The following EYS variants were observed in gnomAD, a reference collection of about 807,000 sequenced individuals.
EYS encodes the protein protein eyes shut homolog.
In EYS, 250 loss-of-function variants were observed where a neutral mutation model predicts 282.1. The ratio of observed to expected loss-of-function variants is 0.89; its 90% CI spans 0.80 to 0.98. The LOEUF is 0.98. Ranked by LOEUF, EYS falls within the 50% of genes least tolerant of loss-of-function variation. EYS has a pLI of 0.00. For synonymous variants in EYS, 1,355 were observed against 1,282.9 expected (o/e 1.06, Z -1.20); for missense variants, 4,016 against 3,709.0 (o/e 1.08, Z -2.15).
intron 18 of EYS, among the ~76,000 whole-genome samples, chr6:64,888,430 CACA>C (rs1381908742): frequency 5.3e-5 from 8 of 151,624 alleles, no homozygotes; most frequent in Admixed American, 2.6e-4. Flanking sequence ...ATCAAAACAA[CACA>C]ACAAAACAAC....
At position 64,945,781 on chromosome 6, in the gene EYS, T is replaced by C. The variant is rs997151187; in HGVS notation, c.2381+12A>G. The C allele has an allele frequency of 5.2e-6, 8 of 1,548,348 alleles. No individual in the cohort carries two copies. The Admixed American group carries it at 1.4e-4, about 27-fold the overall frequency. Reference sequence around the variant, plus strand: ...GTAATTTCATGAAGAAAGCTAAAAATATGTTACTCACCGATAGCTTTTGTA... The same window carrying C: ...GTAATTTCATGAAGAAAGCTAAAAACATGTTACTCACCGATAGCTTTTGTA... On this transcript the variant is annotated intron_variant, in intron 15 of 42. Transcript: ENST00000503581.
At chr6:65,017,589 G>A (rs1032001481) in intron 13 of EYS, among the ~76,000 whole-genome samples, 3 of 151,996 alleles carry the variant, frequency 2.0e-5, no homozygotes, top group Admixed American at 6.6e-5. Context: ...CTGCATAATC[G>A]GACCCTGGTG....
intron 26 of EYS, among the ~76,000 whole-genome samples, chr6:64,479,031 T>A (rs139763216): frequency 6.6e-6 from 1 of 151,958 alleles, no homozygotes; most frequent in Non-Finnish European, 1.5e-5. Context: ...ATGTCATATA[T>A]TGTGTAGAGA....
In EYS at chr6:63,720,772, G is replaced by A; in HGVS notation, c.9259C>T (p.Leu3087=). 6.4e-7 allele frequency: 1 copy of A among 1,550,636 alleles called. No individual in the cohort carries two copies. Among genetic ancestry groups the A allele is most frequent in the African/African-American group, 1.4e-5 (1 of 73,052 alleles). Residue 3087 remains leucine (L), a synonymous_variant, in exon 43 of 43, where the codon CTA becomes TTA. Coordinates refer to ENST00000503581, the MANE Select transcript of EYS (RefSeq NM_001142800.2). ...VALNYDGICY[L]GGFEYGRKVN... ...TTTCTACCATATTCAAAGCCCCCTA[G>A]ATAACAAATGCCATCATAGTTTAGA...
intron 26 of EYS, among the ~76,000 whole-genome samples, chr6:64,519,813 T>G (rs1156916544): frequency 6.6e-6 from 1 of 151,744 alleles, no homozygotes; most frequent in Non-Finnish European, 1.5e-5. Flanking sequence ...CAAACCAAAC[T>G]GGGGAGGAAG....
intron 4 of EYS, chr6:65,491,444 T>A: frequency 3.2e-6 from 1 of 311,098 alleles, no homozygotes; most frequent in Non-Finnish European, 6.4e-6. Flanking sequence ...TTTGGCAATA[T>A]GTTTTTTTCC....
At chr6:64,895,143 C>T (rs973021012) in intron 18 of EYS, among the ~76,000 whole-genome samples, 1 of 151,948 alleles carries the variant, frequency 6.6e-6, no homozygotes, top group African/African-American at 2.4e-5. Flanking sequence ...TTGGACAATG[C>T]AAAAGCTAGA....
In EYS at chr6:64,250,956, G is replaced by T. The variant is rs1767190912; in HGVS notation, c.6192-20132C>A. 7.9e-5 allele frequency among the ~76,000 whole-genome samples: 12 copies of T among 152,234 alleles called. No homozygotes were observed. In the South Asian group the frequency reaches 2.5e-3, roughly 32 times the overall value. On this transcript the variant is annotated intron_variant, in intron 30 of 42. Transcript: ENST00000503581. ...TTTCTACAAATACACTAGATAATAT[G>T]AGGAAACACGTAAGTAGATCAAAAG...
intron 40 of EYS, among the ~76,000 whole-genome samples, chr6:63,771,168 A>C (rs1161627990): frequency 6.6e-6 from 1 of 152,152 alleles, no homozygotes. Context: ...CTTGGAGTAG[A>C]CAGTGGACCC....
intron 2 of EYS, among the ~76,000 whole-genome samples, chr6:65,522,242 T>A (rs1282277006): frequency 6.6e-6 from 1 of 152,226 alleles, no homozygotes; most frequent in Non-Finnish European, 1.5e-5. Context: ...TATATTCTGA[T>A]CTCTGAAATG....
intron 19 of EYS, among the ~76,000 whole-genome samples, chr6:64,876,135 T>G (rs1038019731): frequency 2.3e-4 from 35 of 152,162 alleles, no homozygotes; most frequent in African/African-American, 8.2e-4. Flanking sequence ...CTTTGTAATA[T>G]TACATCAAAT....
chr6:65,681,309 T>C (rs1197122851), intron 1 of EYS, among the ~76,000 whole-genome samples: 1 of 152,016 alleles, frequency 6.6e-6, no homozygotes, highest in Non-Finnish European at 1.5e-5. Context: ...ATCAGCCAAC[T>C]CATTAGCATA....
chr6:65,370,824 T>G (rs1200809503), intron 8 of EYS, among the ~76,000 whole-genome samples: 1 of 151,964 alleles, frequency 6.6e-6, no homozygotes, highest in Non-Finnish European at 1.5e-5. Flanking sequence ...TGGCATAATT[T>G]GCCTTTAGGG....
chr6:65,219,274 T>A lies in EYS; in HGVS notation c.2023+76589A>T, dbSNP rs140679620. On this transcript the variant is annotated intron_variant, in intron 12 of 42. Transcript: ENST00000503581. ...GGAAACATGGTTCATGCTGCCAGAT[T>A]TGACAAAGATTAAAACAATGGTTCC... 8.0e-3 allele frequency among the ~76,000 whole-genome samples: 1,223 copies of A among 152,246 alleles called. 15 individuals carry two copies. The highest frequency in any genetic ancestry group is 0.027 in the African/African-American group (1,140 of 41,538).
intron 28 of EYS, among the ~76,000 whole-genome samples, chr6:64,395,556 C>T (rs1344046174): frequency 6.7e-6 from 1 of 150,168 alleles, no homozygotes; most frequent in East Asian, 2.0e-4. Flanking sequence ...ACCGCATATT[C>T]TCACTCATAG....
intron 22 of EYS, among the ~76,000 whole-genome samples, chr6:64,695,153 C>A (rs562149766): frequency 2.0e-5 from 3 of 152,156 alleles, no homozygotes; most frequent in African/African-American, 4.8e-5. Flanking sequence ...ACCCTAGAGG[C>A]AGAGCATAGG....
chr6:64,686,742 AATATATATATATATATATATGTGTGT>A (rs1186855307), intron 22 of EYS, among the ~76,000 whole-genome samples: 2 of 33,712 alleles, frequency 5.9e-5, no homozygotes, highest in East Asian at 4.6e-4. Context: ...ATTCCATCTA[AATATATATATATATATATATGTGTGT>A]ATATATATAT....
chr6:63,964,692 G>A (rs1326950130), intron 35 of EYS, among the ~76,000 whole-genome samples: 4 of 152,282 alleles, frequency 2.6e-5, no homozygotes, highest in Non-Finnish European at 4.4e-5. Context: ...GTATAAATCA[G>A]AACACTGGAT....
intron 30 of EYS, among the ~76,000 whole-genome samples, chr6:64,250,993 A>G (rs1767192700): frequency 6.6e-6 from 1 of 152,140 alleles, no homozygotes; most frequent in African/African-American, 2.4e-5. Flanking sequence ...CTCTGAGGGA[A>G]AGGACAGTTC....
Sources: gnomAD v4.1 joint callset for allele counts (sites outside exome capture counted in the v4.1 genomes callset) on GRCh38, gnomAD v4.1.1 for gene constraint, MANE v1.5 for transcripts, NCBI Gene and HGNC (gene_info 2026-07-23, HGNC 2026-07-21) for gene names.